Variants in SLC12A9 observed in about 807,000 individuals in gnomAD.
SLC12A9 encodes the protein CCC-interacting protein 1.
Under a neutral mutation model 66.0 loss-of-function variants are expected in SLC12A9, and 55 were observed. The observed-to-expected ratio is 0.83, with a 90% CI of 0.67 to 1.04. The LOEUF is 1.04. Ranked by LOEUF, SLC12A9 falls within the 50% of genes least tolerant of loss-of-function variation. The pLI is 0.00. For missense variants in SLC12A9, 1,061 were observed against 1,241.9 expected (o/e 0.85, Z 2.19); for synonymous variants, 577 against 569.0 (o/e 1.01, Z -0.20).
In SLC12A9 at chr7:100,854,299, C is replaced by A. The variant is rs772801689; in HGVS notation, c.102C>A (p.Ala34=). The part of the protein sequence containing the change: ...NGAGGPGGAS[A]RKLSTFLGVV... ...CCGGGGGTCCTGGAGGGGCGTCTGC[C>A]CGGAAGCTGTCCACCTTCCTGGGTG... Residue 34 remains alanine, a synonymous_variant, in exon 2 of 14, where the codon GCC becomes GCA. Transcript: ENST00000354161. 6.2e-7 allele frequency: 1 copy of A among 1,604,622 alleles called. No individual in the cohort carries two copies. The highest frequency in any genetic ancestry group is 8.5e-7 in the Non-Finnish European group (1 of 1,177,652).
chr7:100,832,836 C>T (rs1001872464), intron 1 of SLC12A9, among the ~76,000 whole-genome samples: 2 of 151,824 alleles, frequency 1.3e-5, no homozygotes, highest in Non-Finnish European at 2.9e-5. Flanking sequence ...AGTGCAGTGG[C>T]ACGATCGAGG....
chr7:100,844,526 T>C (rs1443120115), intron 1 of SLC12A9, among the ~76,000 whole-genome samples: 1 of 152,036 alleles, frequency 6.6e-6, no homozygotes, highest in Non-Finnish European at 1.5e-5. Context: ...AGAGGCTATA[T>C]GGCAGAAAAT....
At chr7:100,849,313 C>T (rs1814005669), upstream of SLC12A9, among the ~76,000 whole-genome samples, 1 of 152,058 alleles carries the variant, frequency 6.6e-6, no homozygotes, top group Non-Finnish European at 1.5e-5. Context: ...GGTGCGATCA[C>T]AGCTCACTGC....
intron 5 of SLC12A9, chr7:100,857,887 C>T (rs906550690): frequency 6.6e-6 from 1 of 152,252 alleles, no homozygotes; most frequent in African/African-American, 2.4e-5. Flanking sequence ...CACCATTGCA[C>T]TCCAGCCTGG....
At chr7:100,850,943 C>T (rs1268668666), upstream of SLC12A9, among the ~76,000 whole-genome samples, 2 of 152,126 alleles carry the variant, frequency 1.3e-5, no homozygotes, top group Non-Finnish European at 2.9e-5. Context: ...TGGTCACAAT[C>T]TCCTGACCTC....
chr7:100,845,108 A>G (rs1813879034), intron 1 of SLC12A9, among the ~76,000 whole-genome samples: 1 of 151,826 alleles, frequency 6.6e-6, no homozygotes, highest in Non-Finnish European at 1.5e-5. Context: ...ACAATACTGT[A>G]TAGCAAAAGT....
At chr7:100,832,616 AG>A (rs1813564937) in intron 1 of SLC12A9, among the ~76,000 whole-genome samples, 1 of 152,244 alleles carries the variant, frequency 6.6e-6, no homozygotes, top group Non-Finnish European at 1.5e-5. Flanking sequence ...TACACATCTA[AG>A]AAAAAGGTAG....
At chr7:100,853,702 C>T (rs764319017) in intron 1 of SLC12A9, among the ~76,000 whole-genome samples, 5 of 151,316 alleles carry the variant, frequency 3.3e-5, no homozygotes, top group Non-Finnish European at 7.4e-5. Flanking sequence ...GCTGTGATTA[C>T]AGGCATGCAC....
At chr7:100,851,341 G>A (rs1814069298), upstream of SLC12A9, among the ~76,000 whole-genome samples, 1 of 152,074 alleles carries the variant, frequency 6.6e-6, no homozygotes, top group South Asian at 2.1e-4. Flanking sequence ...TAAGGTGGAG[G>A]TTGAGATTTA....
At chr7:100,836,104 C>T (rs751781167) in intron 1 of SLC12A9, among the ~76,000 whole-genome samples, 1 of 152,224 alleles carries the variant, frequency 6.6e-6, no homozygotes, top group Non-Finnish European at 1.5e-5. Context: ...ATGCCAGCAG[C>T]ATCCCAGCAC....
chr7:100,828,292 A>G (rs1199021269), intron 1 of SLC12A9, among the ~76,000 whole-genome samples: 3 of 152,070 alleles, frequency 2.0e-5, no homozygotes, highest in Admixed American at 2.0e-4. Context: ...TAGTCCCAGC[A>G]TTTTGGGAGG....
upstream of SLC12A9, among the ~76,000 whole-genome samples, chr7:100,851,783 T>TAAAAAA (rs1562986579): frequency 1.6e-4 from 5 of 31,692 alleles, no homozygotes; most frequent in East Asian, 5.7e-3. Flanking sequence ...AGTTCCTGGA[T>TAAAAAA]CAAAAAAAAA....
At chr7:100,846,652 G>A (rs774003197) in intron 1 of SLC12A9, among the ~76,000 whole-genome samples, 2 of 151,944 alleles carry the variant, frequency 1.3e-5, no homozygotes, top group South Asian at 2.1e-4. Context: ...TCGATCTGTC[G>A]TGCAAGAAGA....
chr7:100,836,748 G>C (rs2116507352), intron 1 of SLC12A9, among the ~76,000 whole-genome samples: 1 of 152,080 alleles, frequency 6.6e-6, no homozygotes, highest in African/African-American at 2.4e-5. Context: ...TTGTTTGCTG[G>C]GTCTGCAGGA....
In SLC12A9 at chr7:100,854,625, G is replaced by A. The variant is rs542732755; in HGVS notation, c.187G>A (p.Val63Met). 5.6e-6 allele frequency: 9 copies of A among 1,614,012 alleles called. No homozygotes were observed. Among genetic ancestry groups the A allele is most frequent in the African/African-American group, 4.0e-5 (3 of 75,008 alleles). The change falls in exon 3 of 14, where the codon GTG becomes ATG. Residue 63 changes from valine to methionine, a missense_variant. Transcript: ENST00000354161. ...SIVVFLRIGF[V>M]VGHAGLLQAL... ...ATTTGCTGCTCCTGCCTCAGGGTTC[G>A]TGGTGGGTCATGCTGGGCTACTGCA...
At chr7:100,842,419 T>C (rs961927895) in intron 1 of SLC12A9, among the ~76,000 whole-genome samples, 1 of 152,204 alleles carries the variant, frequency 6.6e-6, no homozygotes, top group Non-Finnish European at 1.5e-5. Flanking sequence ...CTGTCTCTCC[T>C]GACTCTCCTC....
At position 100,828,641 on chromosome 7, in the gene SLC12A9, C is replaced by G. The variant is rs1194643704; in HGVS notation, n.228+1594C>G. 2.0e-5 allele frequency among the ~76,000 whole-genome samples: 3 copies of G among 151,506 alleles called. No homozygotes were observed. The East Asian group carries it at 5.9e-4, about 30-fold the overall frequency. The stretch of plus-strand genomic sequence containing the variant: ...CCAAATCGCCCTTCTCACTCTCACT[C>G]TCGTGTTTTGGGGGGGCTTCCCCGC... On this transcript the variant is annotated intron_variant and non_coding_transcript_variant, in intron 1 of 1. Transcript: ENST00000461016.
At chr7:100,860,989 G>T in intron 9 of SLC12A9, 149 bp from the exon 10 acceptor site, 1 of 1,397,176 alleles carries the variant, frequency 7.2e-7, no homozygotes, top group Non-Finnish European at 1.0e-6. Flanking sequence ...TTGACACTTT[G>T]GGGGTGCACT....
At chr7:100,864,323 C>T (rs982894327) in intron 13 of SLC12A9, among the ~76,000 whole-genome samples, 4 of 152,154 alleles carry the variant, frequency 2.6e-5, no homozygotes, top group Admixed American at 1.3e-4. Context: ...TCAGGTGATC[C>T]GCCTGCCTCA....
Sources: allele counts gnomAD v4.1 joint callset (sites outside exome capture counted in the v4.1 genomes callset), GRCh38; gene constraint gnomAD v4.1.1; transcripts MANE v1.5; gene names NCBI Gene and HGNC (gene_info 2026-07-23, HGNC 2026-07-21).